EPHA3: variants seen among roughly 807,000 people sequenced by gnomAD.
EPHA3 encodes the protein ephrin type-A receptor 3.
Under a neutral mutation model 107.1 loss-of-function variants are expected in EPHA3, and 42 were observed. The observed-to-expected ratio is 0.39, with a 90% CI of 0.31 to 0.51. The LOEUF (loss-of-function observed/expected upper bound fraction) is 0.51. Among genes scored for constraint, EPHA3 ranks in the 20% least tolerant of loss-of-function variants. The pLI is 0.78. For missense variants in EPHA3, 1,183 were observed against 1,211.2 expected, an observed-to-expected ratio of 0.98 and a Z score of 0.35; for synonymous variants, 461 against 424.8, an observed-to-expected ratio of 1.09 and a Z score of -1.05.
intron 11 of EPHA3, among the ~76,000 whole-genome samples, chr3:89,421,135 C>A (rs1709345079): frequency 6.6e-6 from 1 of 151,290 alleles, no homozygotes; most frequent in African/African-American, 2.4e-5. Flanking sequence ...CTTTAAAAAT[C>A]TTCTCTAACA....
At chr3:89,129,356 A>G (rs899993195) in intron 2 of EPHA3, among the ~76,000 whole-genome samples, 6 of 152,106 alleles carry the variant, frequency 3.9e-5, no homozygotes, top group African/African-American at 1.4e-4. Flanking sequence ...AATAGCCTAA[A>G]ACAGTTGGTC....
At chr3:89,283,308 G>A (rs1705993164) in intron 3 of EPHA3, among the ~76,000 whole-genome samples, 1 of 152,032 alleles carries the variant, frequency 6.6e-6, no homozygotes, top group Admixed American at 6.6e-5. Flanking sequence ...CTGAAACAGA[G>A]GAAAAACATA....
rs140719338 is a variant in EPHA3 at position 89,394,689 on chromosome 3, C to T, written c.1307-1148C>T. Among the ~76,000 whole-genome samples the T allele has an allele frequency of 5.3e-3, 803 of 152,300 alleles. 7 individuals are homozygous for T. Among genetic ancestry groups the T allele is most frequent in the African/African-American group, 0.018 (758 of 41,578 alleles). ...ATAATCATAGAAACATCAACAAATA[C>T]AGAACTTCTGCTAACTTGTGGGAAA... On this transcript the variant is annotated intron_variant, in intron 5 of 16. Transcript: ENST00000336596.
intron 3 of EPHA3, among the ~76,000 whole-genome samples, chr3:89,221,497 C>T (rs189286016): frequency 1.3e-5 from 2 of 152,080 alleles, no homozygotes; most frequent in Admixed American, 6.5e-5. Context: ...CTTTATGTAC[C>T]CTTTTTGGTC....
At chr3:89,370,877 A>T (rs571446118) in intron 5 of EPHA3, among the ~76,000 whole-genome samples, 2 of 151,762 alleles carry the variant, frequency 1.3e-5, no homozygotes, top group Admixed American at 1.3e-4. Context: ...GAAGTTGCTA[A>T]GACTTGAAAT....
At chr3:89,115,565 G>A (rs1209144308) in intron 1 of EPHA3, among the ~76,000 whole-genome samples, 1 of 151,022 alleles carries the variant, frequency 6.6e-6, no homozygotes, top group Non-Finnish European at 1.5e-5. Context: ...AGATGATTTT[G>A]TTAAATCCTG....
chr3:89,283,392 A>G (rs1433799032), intron 3 of EPHA3, among the ~76,000 whole-genome samples: 3 of 152,144 alleles, frequency 2.0e-5, no homozygotes, highest in Non-Finnish European at 4.4e-5. Context: ...GCACCTGAAC[A>G]TAGAAAGTAA....
chr3:89,111,324 T>A (rs1471123542), intron 1 of EPHA3, among the ~76,000 whole-genome samples: 2 of 152,116 alleles, frequency 1.3e-5, no homozygotes, highest in African/African-American at 4.8e-5. Flanking sequence ...TTTCCTCAAA[T>A]AAGAACACAC....
intron 15 of EPHA3, among the ~76,000 whole-genome samples, chr3:89,450,927 C>G (rs1166298587): frequency 6.6e-6 from 1 of 152,044 alleles, no homozygotes; most frequent in Admixed American, 6.6e-5. Flanking sequence ...ATATACTGAA[C>G]ACATACTTCT....
chr3:89,272,507 C>G (rs1219293927), intron 3 of EPHA3, among the ~76,000 whole-genome samples: 2 of 151,854 alleles, frequency 1.3e-5, no homozygotes, highest in African/African-American at 2.4e-5. Flanking sequence ...AATTTTAATC[C>G]ATTAAGAGTT....
chr3:89,264,868 C>A (rs1466128142), intron 3 of EPHA3, among the ~76,000 whole-genome samples: 1 of 151,972 alleles, frequency 6.6e-6, no homozygotes, highest in Non-Finnish European at 1.5e-5. Context: ...TCCAAAGAGT[C>A]ATTAAGAATA....
chr3:89,118,670 C>T (rs544966590), intron 1 of EPHA3, among the ~76,000 whole-genome samples: 1 of 151,702 alleles, frequency 6.6e-6, no homozygotes, highest in South Asian at 2.1e-4. Context: ...AACTAATTGC[C>T]TGTTACATAA....
At chr3:89,457,893 G>A (rs564800835) in intron 15 of EPHA3, among the ~76,000 whole-genome samples, 28 of 152,320 alleles carry the variant, frequency 1.8e-4, no homozygotes, top group African/African-American at 6.5e-4. Flanking sequence ...ATTAAAGTGA[G>A]TTCTATAGGA....
intron 3 of EPHA3, among the ~76,000 whole-genome samples, chr3:89,289,567 T>C (rs2107326604): frequency 6.6e-6 from 1 of 152,250 alleles, no homozygotes; most frequent in East Asian, 1.9e-4. Context: ...ATATATAATA[T>C]CTTTATATAT....
chr3:89,197,828 T>G (rs2107153561), intron 2 of EPHA3, among the ~76,000 whole-genome samples: 1 of 152,084 alleles, frequency 6.6e-6, no homozygotes, highest in South Asian at 2.1e-4. Flanking sequence ...ATTACAAAGA[T>G]TAGCCTGGTG....
chr3:89,130,978 C>A (rs1465139668), intron 2 of EPHA3, among the ~76,000 whole-genome samples: 6 of 152,118 alleles, frequency 3.9e-5, no homozygotes, highest in African/African-American at 1.4e-4. Context: ...TTAGAGAAAA[C>A]CTTGTAGGGA....
At chr3:89,293,728 C>T (rs1010309093) in intron 3 of EPHA3, among the ~76,000 whole-genome samples, 2 of 152,244 alleles carry the variant, frequency 1.3e-5, no homozygotes, top group Non-Finnish European at 2.9e-5. Flanking sequence ...GCTTTTCCTT[C>T]GTCTACTGCC....
At chr3:89,443,288 C>T (rs1330092919) in intron 13 of EPHA3, among the ~76,000 whole-genome samples, 1 of 152,080 alleles carries the variant, frequency 6.6e-6, no homozygotes, top group Non-Finnish European at 1.5e-5. Context: ...AACTCTAAAA[C>T]ACATAATCCA....
At chr3:89,348,504 C>G (rs1707728566) in intron 5 of EPHA3, among the ~76,000 whole-genome samples, 1 of 131,706 alleles carries the variant, frequency 7.6e-6, no homozygotes, top group Non-Finnish European at 1.6e-5. Context: ...ATTCTTCTCT[C>G]TTTTTTTCTT....
Sources: gnomAD v4.1 joint callset for allele counts (sites outside exome capture counted in the v4.1 genomes callset) on GRCh38, gnomAD v4.1.1 for gene constraint, MANE v1.5 for transcripts, NCBI Gene and HGNC (gene_info 2026-07-23, HGNC 2026-07-21) for gene names.